DIAPH3: variants seen among roughly 807,000 people sequenced by gnomAD.
The protein encoded by DIAPH3 is protein diaphanous homolog 3.
DIAPH3 carries 117 observed loss-of-function variants against 144.3 expected under a neutral mutation model. The ratio of observed to expected loss-of-function variants is 0.81; its 90% CI spans 0.70 to 0.95. The LOEUF is 0.95. Among genes scored for constraint, DIAPH3 ranks in the 40% least tolerant of loss-of-function variants. DIAPH3 has a pLI of 0.00. For synonymous variants in DIAPH3, 519 were observed against 488.9 expected (o/e 1.06, Z -0.81); for missense variants, 1,421 against 1,412.7 (o/e 1.01, Z -0.09).
chr13:59,711,933 G>A (rs542889252), intron 27 of DIAPH3, among the ~76,000 whole-genome samples: 1 of 152,154 alleles, frequency 6.6e-6, no homozygotes, highest in South Asian at 2.1e-4. Flanking sequence ...CTTGGCATGA[G>A]GCAACCTGGC....
intron 25 of DIAPH3, among the ~76,000 whole-genome samples, 196 bp from the exon 26 acceptor site, chr13:59,775,019 T>C (rs1444033145): frequency 2.0e-5 from 3 of 152,222 alleles, no homozygotes. Context: ...ACTGCCTCAT[T>C]AGTGCCTATG....
intron 17 of DIAPH3, among the ~76,000 whole-genome samples, chr13:59,925,699 A>G (rs925255132): frequency 3.9e-5 from 6 of 152,102 alleles, no homozygotes; most frequent in African/African-American, 1.4e-4. Context: ...AAGACTGATC[A>G]ACTTCCTTAC....
At chr13:59,774,142 T>G (rs764704857) in intron 27 of DIAPH3, 47 bp downstream of exon 27, 2 of 1,572,166 alleles carry the variant, frequency 1.3e-6, no homozygotes, top group East Asian at 2.2e-5. Context: ...ATCAATAGGA[T>G]AAAAGTAGAT....
chr13:59,764,929 G>A (rs1258710686), intron 27 of DIAPH3, among the ~76,000 whole-genome samples: 1 of 152,034 alleles, frequency 6.6e-6, no homozygotes, highest in Non-Finnish European at 1.5e-5. Flanking sequence ...TAATACATCT[G>A]GATTCCAGCT....
intron 4 of DIAPH3, among the ~76,000 whole-genome samples, chr13:60,083,400 G>A (rs139669811): frequency 6.6e-6 from 1 of 151,960 alleles, no homozygotes; most frequent in East Asian, 1.9e-4. Context: ...AAATGAAAAT[G>A]AAATTATAGA....
At chr13:59,881,353 G>A (rs903617125) in intron 20 of DIAPH3, among the ~76,000 whole-genome samples, 1 of 152,040 alleles carries the variant, frequency 6.6e-6, no homozygotes, top group Non-Finnish European at 1.5e-5. Context: ...GGTGTATAAT[G>A]GGCTCATAGC....
intron 27 of DIAPH3, among the ~76,000 whole-genome samples, chr13:59,732,912 G>C (rs923967726): frequency 3.3e-5 from 5 of 152,158 alleles, no homozygotes; most frequent in African/African-American, 1.2e-4. Context: ...GAAAAGAATA[G>C]ATTAGAAAAG....
intron 24 of DIAPH3, among the ~76,000 whole-genome samples, chr13:59,832,662 G>A (rs9528041): frequency 0.17 from 26,225 of 151,606 alleles, 2,834 homozygotes; most frequent in Non-Finnish European, 0.24. Context: ...GAAACCCTAC[G>A]AATGTAAAAC....
intron 1 of DIAPH3, among the ~76,000 whole-genome samples, chr13:60,138,433 G>A (rs1566814845): frequency 1.3e-5 from 2 of 152,168 alleles, no homozygotes; most frequent in Non-Finnish European, 2.9e-5. Flanking sequence ...CCTGAAACAA[G>A]CCACATGAAG....
At chr13:60,045,385 G>A (rs768218750) in intron 4 of DIAPH3, among the ~76,000 whole-genome samples, 3 of 151,900 alleles carry the variant, frequency 2.0e-5, no homozygotes, top group Non-Finnish European at 4.4e-5. Context: ...CCAGTCTCAG[G>A]TACATCTTAT....
intron 17 of DIAPH3, among the ~76,000 whole-genome samples, chr13:59,947,223 G>A (rs928135845): frequency 3.3e-5 from 5 of 152,090 alleles, no homozygotes; most frequent in African/African-American, 1.2e-4. Context: ...AGAGTGCAGA[G>A]GTGAACATTC....
intron 27 of DIAPH3, among the ~76,000 whole-genome samples, chr13:59,724,829 T>C (rs538929928): frequency 1.3e-5 from 2 of 152,334 alleles, no homozygotes; most frequent in South Asian, 2.1e-4. Context: ...TTTACTTTAA[T>C]TCTTCTATAA....
In DIAPH3 at chr13:60,041,272, C is replaced by T. The variant is rs557907193; in HGVS notation, c.626+1418G>A. On this transcript the variant is annotated intron_variant, in intron 5 of 27. Coordinates refer to ENST00000400324, the MANE Select transcript of DIAPH3 (RefSeq NM_001042517.2). ...CTAGCCAAGGTAAGACTAAAGAAGG[C>T]TAAAATTAAAACCTCATTGTTTCAA... 3.3e-5 allele frequency among the ~76,000 whole-genome samples: 5 copies of T among 152,262 alleles called. No individual in the cohort carries two copies. The East Asian group carries it at 7.7e-4, about 24-fold the overall frequency.
At chr13:60,077,331 T>C (rs926894080) in intron 4 of DIAPH3, among the ~76,000 whole-genome samples, 1 of 152,026 alleles carries the variant, frequency 6.6e-6, no homozygotes, top group Non-Finnish European at 1.5e-5. Flanking sequence ...AGACAAGAAG[T>C]ATACTTTAGG....
chr13:59,928,943 C>T (rs1004458700), intron 17 of DIAPH3, among the ~76,000 whole-genome samples: 5 of 151,956 alleles, frequency 3.3e-5, no homozygotes, highest in Admixed American at 6.6e-5. Flanking sequence ...CTGGAGGTGG[C>T]GAGGTCGCTA....
chr13:59,751,147 A>G (rs995137792), intron 27 of DIAPH3, among the ~76,000 whole-genome samples: 3 of 152,290 alleles, frequency 2.0e-5, no homozygotes, highest in Admixed American at 1.3e-4. Context: ...TACAATTAGC[A>G]TTCGCCCTGC....
rs189129290 is a variant in DIAPH3, at chr13:59,890,575, G to A, written c.2368-11107C>T. 1.9e-3 allele frequency among the ~76,000 whole-genome samples: 288 copies of A among 150,012 alleles called. 1 individual carries two copies. The highest frequency in any genetic ancestry group is 1.1e-3 in the Non-Finnish European group (74 of 67,548). On this transcript the variant is annotated intron_variant, in intron 20 of 27. Coordinates refer to ENST00000400324, the MANE Select transcript of DIAPH3 (RefSeq NM_001042517.2). Reference sequence around the variant, plus strand: ...TTTACAACTTTTTACTATAATTTCCGTTTTTAAAATACAAAAAAAAAAATC... The same window carrying A: ...TTTACAACTTTTTACTATAATTTCCATTTTTAAAATACAAAAAAAAAAATC...
rs1383244130 is a variant in DIAPH3, at chr13:60,042,754, C to A, written c.562G>T (p.Ala188Ser). 3 of 1,613,678 alleles carry A rather than the reference C, an allele frequency of 1.9e-6. No individual in the cohort carries two copies. The highest frequency in any genetic ancestry group is 2.5e-6 in the Non-Finnish European group (3 of 1,179,830). The change falls in exon 5 of 28, where the codon GCA (alanine) becomes TCA (serine). Residue 188 changes from alanine (A) to serine (S), a missense_variant. By Grantham distance (99) the Ala-to-Ser change is moderately conservative (BLOSUM62 1). Transcript: ENST00000400324. ...EFIHELKMGS[A>S]DERLVTCLES... ...AGGCATGTGACAAGTCTCTCATCTG[C>A]AGACCCCATTTTCAGCTCATGAATG...
intron 5 of DIAPH3, among the ~76,000 whole-genome samples, chr13:60,039,200 G>A (rs2055453431): frequency 6.6e-6 from 1 of 152,062 alleles, no homozygotes. Context: ...ACAATTGCTA[G>A]GCAGTTTCAG....
Sources: gnomAD v4.1 joint callset for allele counts (sites outside exome capture counted in the v4.1 genomes callset) on GRCh38, gnomAD v4.1.1 for gene constraint, MANE v1.5 for transcripts, NCBI Gene and HGNC (gene_info 2026-07-23, HGNC 2026-07-21) for gene names.